KAZN: variants seen among roughly 807,000 people sequenced by gnomAD.
KAZN encodes kazrin, periplakin interacting protein.
Under a neutral mutation model 87.4 loss-of-function variants are expected in KAZN, and 40 were observed. The ratio of observed to expected loss-of-function variants is 0.46; its 90% confidence interval spans 0.36 to 0.60. The LOEUF is 0.60. Among genes scored for constraint, KAZN ranks in the 20% least tolerant of loss-of-function variants. The pLI is 0.00. For missense variants in KAZN, 898 were observed against 1,073.9 expected, an observed-to-expected ratio of 0.84 and a Z score of 2.29; for synonymous variants, 466 against 458.3, an observed-to-expected ratio of 1.02 and a Z score of -0.22.
chr1:14,707,712 T>TC (rs1642282539), intron 1 of KAZN, among the ~76,000 whole-genome samples: 1 of 152,206 alleles, frequency 6.6e-6, no homozygotes, highest in Admixed American at 6.5e-5. Flanking sequence ...GTCGTGTCAG[T>TC]CATCAGGAAA....
At position 13,932,506 on chromosome 1, in the gene KAZN, C is replaced by T. The variant is rs186083572; in HGVS notation, c.91+38750C>T. Among the ~76,000 whole-genome samples, 1,142 of 151,980 alleles carry T rather than the reference C, an allele frequency of 7.5e-3. 27 individuals are homozygous for T. The highest frequency in any genetic ancestry group is 0.065 in the East Asian group (336 of 5,134). Reference sequence around the variant, plus strand: ...TGATCTCCTGACCTCGTGATCCGCCCGCCTCGGCCTCCCAAAGTGCTGGGA... The same window carrying T: ...TGATCTCCTGACCTCGTGATCCGCCTGCCTCGGCCTCCCAAAGTGCTGGGA... On this transcript the variant is annotated intron_variant, in intron 1 of 16. Transcript: ENST00000636203.
intron 1 of KAZN, among the ~76,000 whole-genome samples, chr1:14,635,382 C>T (rs1021840594): frequency 6.6e-6 from 1 of 152,166 alleles, no homozygotes; most frequent in African/African-American, 2.4e-5. Context: ...GGATGTGACA[C>T]CCAAAAATGT....
chr1:14,710,905 T>C (rs1642451584), intron 1 of KAZN, among the ~76,000 whole-genome samples: 1 of 152,146 alleles, frequency 6.6e-6, no homozygotes, highest in Non-Finnish European at 1.5e-5. Context: ...TGAGGGGGGC[T>C]GGGTACAGTA....
chr1:14,793,011 G>T (rs1371934654), intron 1 of KAZN, among the ~76,000 whole-genome samples: 1 of 151,872 alleles, frequency 6.6e-6, no homozygotes, highest in Non-Finnish European at 1.5e-5. Flanking sequence ...CACAGTTGGC[G>T]GGACTGCATT....
chr1:14,832,113 T>A (rs1234954572), intron 1 of KAZN, among the ~76,000 whole-genome samples: 1 of 151,870 alleles, frequency 6.6e-6, no homozygotes, highest in Non-Finnish European at 1.5e-5. Context: ...GGAGAATCAC[T>A]TGAACCCAGG....
intron 2 of KAZN, among the ~76,000 whole-genome samples, chr1:14,476,846 T>C (rs1668752966): frequency 1.3e-5 from 2 of 152,188 alleles, no homozygotes. Flanking sequence ...CTTTGTCCAC[T>C]TCTCTCTAGC....
At chr1:14,002,611 A>G (rs906362059) in intron 1 of KAZN, among the ~76,000 whole-genome samples, 1 of 152,134 alleles carries the variant, frequency 6.6e-6, no homozygotes, top group Non-Finnish European at 1.5e-5. Flanking sequence ...AAATGAACTA[A>G]TACACTCATC....
At chr1:14,588,573 G>T (rs780103246) in intron 2 of KAZN, among the ~76,000 whole-genome samples, 1 of 152,224 alleles carries the variant, frequency 6.6e-6, no homozygotes, top group East Asian at 1.9e-4. Context: ...GTGCCCCCCA[G>T]CAGGGCTCCG....
At chr1:14,353,405 A>G (rs945440974) in intron 2 of KAZN, among the ~76,000 whole-genome samples, 3 of 151,948 alleles carry the variant, frequency 2.0e-5, no homozygotes, top group Non-Finnish European at 4.4e-5. Context: ...TTGTATTTTT[A>G]GTAGAGATGG....
At chr1:14,015,923 C>A (rs1306046656) in intron 1 of KAZN, among the ~76,000 whole-genome samples, 2 of 151,960 alleles carry the variant, frequency 1.3e-5, no homozygotes, top group East Asian at 2.0e-4. Context: ...GCTCCACAAC[C>A]TTTTCACTGC....
intron 1 of KAZN, among the ~76,000 whole-genome samples, chr1:14,771,893 G>T (rs1645029412): frequency 6.6e-6 from 1 of 152,200 alleles, no homozygotes; most frequent in African/African-American, 2.4e-5. Context: ...CTCCTGTAAA[G>T]AATGTTCCAA....
chr1:14,034,562 G>A (rs1411143973), intron 1 of KAZN, among the ~76,000 whole-genome samples: 1 of 152,182 alleles, frequency 6.6e-6, no homozygotes, highest in Non-Finnish European at 1.5e-5. Flanking sequence ...TTTGCCATTT[G>A]CACCCTCAAT....
intron 1 of KAZN, among the ~76,000 whole-genome samples, chr1:14,149,351 C>T (rs1411892803): frequency 6.6e-6 from 1 of 152,008 alleles, no homozygotes; most frequent in Non-Finnish European, 1.5e-5. Flanking sequence ...TCGTGATCCA[C>T]CTGCCTCGGC....
intron 2 of KAZN, among the ~76,000 whole-genome samples, chr1:14,470,776 T>C (rs1227614165): frequency 6.6e-6 from 1 of 152,174 alleles, no homozygotes; most frequent in African/African-American, 2.4e-5. Context: ...CTGTAGCCAG[T>C]CTCCAGGATG....
At chr1:14,051,888 C>T (rs1485940800) in intron 1 of KAZN, among the ~76,000 whole-genome samples, 1 of 152,050 alleles carries the variant, frequency 6.6e-6, no homozygotes, top group Non-Finnish European at 1.5e-5. Flanking sequence ...AAACCCAAAA[C>T]CAAAAAAAAT....
chr1:15,048,137 G>A (rs998663728), intron 4 of KAZN, among the ~76,000 whole-genome samples: 8 of 152,218 alleles, frequency 5.3e-5, no homozygotes, highest in Admixed American at 2.6e-4. Context: ...TCCAGGCATC[G>A]TCCCTCCCCC....
chr1:14,722,090 T>C (rs748900581), intron 1 of KAZN, among the ~76,000 whole-genome samples: 2 of 151,844 alleles, frequency 1.3e-5, no homozygotes, highest in African/African-American at 2.4e-5. Context: ...AGGCGGAGGT[T>C]GCAGTGAGCT....
intron 1 of KAZN, among the ~76,000 whole-genome samples, chr1:13,950,230 G>C (rs1641293911): frequency 1.3e-5 from 2 of 151,668 alleles, no homozygotes; most frequent in South Asian, 4.3e-4. Context: ...CGATGGTCCT[G>C]CACAATGCTT....
intron 13 of KAZN, among the ~76,000 whole-genome samples, chr1:15,108,879 G>A (rs779650275): frequency 5.9e-5 from 9 of 152,162 alleles, no homozygotes; most frequent in Non-Finnish European, 1.3e-4. Flanking sequence ...TTAATAGGTC[G>A]GTTCAAAGCT....
Sources: gnomAD v4.1 joint callset for allele counts (sites outside exome capture counted in the v4.1 genomes callset) on GRCh38, gnomAD v4.1.1 for gene constraint, MANE v1.5 for transcripts, NCBI Gene and HGNC (gene_info 2026-07-23, HGNC 2026-07-21) for gene names.